The following FOCAD variants were observed in gnomAD, a reference collection of about 807,000 sequenced individuals.
FOCAD encodes focadhesin.
In FOCAD, 198 loss-of-function variants were observed where a neutral mutation model predicts 225.6. The observed-to-expected ratio is 0.88, with a 90% confidence interval of 0.78 to 0.99. The LOEUF (loss-of-function observed/expected upper bound fraction) is 0.99. Among genes scored for constraint, FOCAD ranks in the 50% least tolerant of loss-of-function variants. The pLI, the probability that FOCAD is intolerant of heterozygous loss-of-function variation, is 0.00. For synonymous variants in FOCAD, 897 were observed against 755.0 expected (o/e 1.19, Z -3.08); for missense variants, 2,713 against 2,123.6 (o/e 1.28, Z -5.46).
chr9:20,846,159 G>A (rs529222065), intron 15 of FOCAD, among the ~76,000 whole-genome samples: 105 of 152,066 alleles, frequency 6.9e-4, no homozygotes, highest in African/African-American at 2.3e-3. Context: ...CCTCAGCCTC[G>A]TGTGCCCTGT....
At chr9:20,855,498 T>C (rs1828085859) in intron 15 of FOCAD, among the ~76,000 whole-genome samples, 2 of 151,836 alleles carry the variant, frequency 1.3e-5, no homozygotes, top group African/African-American at 4.8e-5. Flanking sequence ...TGTATATATT[T>C]ATGGGATACA....
chr9:20,827,313 T>G (rs1825001808), intron 15 of FOCAD, among the ~76,000 whole-genome samples: 1 of 150,328 alleles, frequency 6.7e-6, no homozygotes, highest in African/African-American at 2.4e-5. Context: ...GTGTTGTCTT[T>G]TGTAAGTAGC....
chr9:20,858,376 G>A (rs924387320), intron 15 of FOCAD, among the ~76,000 whole-genome samples: 1 of 151,904 alleles, frequency 6.6e-6, no homozygotes, highest in Non-Finnish European at 1.5e-5. Context: ...ATTTATTGTC[G>A]ATAGTTGCTC....
chr9:20,937,391 A>T (rs568276996), intron 28 of FOCAD, among the ~76,000 whole-genome samples: 11 of 152,164 alleles, frequency 7.2e-5, no homozygotes, highest in Middle Eastern at 3.4e-3. Context: ...ATATAGACCA[A>T]TGGAGCAGAA....
At chr9:20,683,555 C>G (rs970162412), upstream of FOCAD, 1 of 152,048 alleles carries the variant, frequency 6.6e-6, no homozygotes, top group Non-Finnish European at 1.5e-5. Flanking sequence ...CCCCGCCCCA[C>G]GAGAAAATAC....
At chr9:20,788,274 T>C (rs1045935785) in intron 10 of FOCAD, among the ~76,000 whole-genome samples, 6 of 152,098 alleles carry the variant, frequency 3.9e-5, no homozygotes, top group African/African-American at 1.4e-4. Context: ...CCAGAGTAGA[T>C]TAGTTGTTGC....
intron 15 of FOCAD, among the ~76,000 whole-genome samples, chr9:20,827,600 C>A (rs1825038485): frequency 6.6e-6 from 1 of 151,392 alleles, no homozygotes; most frequent in Non-Finnish European, 1.5e-5. Context: ...TGTAGATGAA[C>A]CTAGATGCCA....
chr9:20,895,644 T>C lies in FOCAD; in HGVS notation c.2625+10414T>C, dbSNP rs113811409. On this transcript the variant is annotated intron_variant, in intron 21 of 43. Coordinates refer to ENST00000338382, the MANE Select transcript of FOCAD (RefSeq NM_001375567.1). ...TTTCTGGAGGTGTTAATGTAAACGC[T>C]ATTGTGTTTTTAATTTCAGCTTCTA... 3.3e-3 allele frequency among the ~76,000 whole-genome samples: 507 copies of C among 151,988 alleles called. 8 individuals carry two copies. Among genetic ancestry groups the C allele is most frequent in the African/African-American group, 0.012 (482 of 41,522 alleles).
upstream of FOCAD, among the ~76,000 whole-genome samples, chr9:20,682,872 G>C (rs1163900441): frequency 6.6e-6 from 1 of 152,200 alleles, no homozygotes; most frequent in Non-Finnish European, 1.5e-5. Flanking sequence ...CCGGGTTCAA[G>C]CGATTCTCCT....
At chr9:20,824,217 A>T (rs1824638198) in intron 15 of FOCAD, among the ~76,000 whole-genome samples, 1 of 152,092 alleles carries the variant, frequency 6.6e-6, no homozygotes, top group Non-Finnish European at 1.5e-5. Context: ...CAGTCATCTG[A>T]GATTGGGAAA....
intron 9 of FOCAD, 123 bp from the exon 10 acceptor site, chr9:20,781,604 A>G (rs980061880): frequency 8.5e-6 from 6 of 705,472 alleles, no homozygotes; most frequent in East Asian, 5.1e-5. Context: ...CAACCTAGTT[A>G]TGTGTCTGAC....
At chr9:20,713,778 T>C (rs1189840199) in intron 1 of FOCAD, among the ~76,000 whole-genome samples, 1 of 152,210 alleles carries the variant, frequency 6.6e-6, no homozygotes, top group Non-Finnish European at 1.5e-5. Context: ...ATGGAGATAT[T>C]TTTTTCCTGT....
intron 14 of FOCAD, among the ~76,000 whole-genome samples, chr9:20,821,995 CTA>C (rs1491103642): frequency 1.6e-3 from 30 of 18,728 alleles, no homozygotes; most frequent in African/African-American, 5.1e-3. Context: ...GTAAAAGTTA[CTA>C]AAAAAAAAAA....
At chr9:20,761,239 A>G (rs1307458316) in intron 6 of FOCAD, among the ~76,000 whole-genome samples, 1 of 152,108 alleles carries the variant, frequency 6.6e-6, no homozygotes, top group Non-Finnish European at 1.5e-5. Context: ...ACCTTTCAGG[A>G]ACTGAGAATT....
At chr9:20,678,009 T>C (rs1401114310) in intron 2 of FOCAD, among the ~76,000 whole-genome samples, 6 of 152,210 alleles carry the variant, frequency 3.9e-5, no homozygotes, top group Non-Finnish European at 7.3e-5. Context: ...TTTTTATATA[T>C]CCTTTGCTTT....
At chr9:20,981,305 G>C in intron 37 of FOCAD, 121 bp from the exon 38 acceptor site, 2 of 1,146,416 alleles carry the variant, frequency 1.7e-6, no homozygotes, top group Non-Finnish European at 2.5e-6. Context: ...AAGGGGGAAG[G>C]AAGTAACCTG....
chr9:20,666,188 T>G (rs1483831852), intron 2 of FOCAD, among the ~76,000 whole-genome samples: 1 of 152,208 alleles, frequency 6.6e-6, no homozygotes, highest in South Asian at 2.1e-4. Context: ...TGTAGTACTA[T>G]CTCATTGTTT....
rs1236076718 is a variant in FOCAD, at chr9:20,976,409, G to T, written c.4133-11G>T. On this transcript the variant is annotated splice_polypyrimidine_tract_variant and intron_variant, in intron 35 of 43. Coordinates refer to ENST00000338382, the MANE Select transcript of FOCAD (RefSeq NM_001375567.1). ...AGGTGTTTTACTATTATTTTTCACT[G>T]TCTGTTATAGGTCCTGAATCTGTGC... 19 of 1,611,272 alleles carry T rather than the reference G, an allele frequency of 1.2e-5. No homozygotes were observed. The highest frequency in any genetic ancestry group is 1.6e-5 in the Non-Finnish European group (19 of 1,178,198).
At chr9:20,909,982 A>T (rs184610368) in intron 22 of FOCAD, among the ~76,000 whole-genome samples, 1 of 152,204 alleles carries the variant, frequency 6.6e-6, no homozygotes, top group Admixed American at 6.5e-5. Flanking sequence ...TAGGAAATGC[A>T]CTAAAAGGTA....
Sources: allele counts gnomAD v4.1 joint callset (sites outside exome capture counted in the v4.1 genomes callset), GRCh38; gene constraint gnomAD v4.1.1; transcripts MANE v1.5; gene names NCBI Gene and HGNC (gene_info 2026-07-23, HGNC 2026-07-21).